Variants in MALRD1 observed in about 807,000 individuals in gnomAD.
The protein encoded by MALRD1 is MAM and LDL-receptor class A domain-containing protein 1.
Under a neutral mutation model 242.1 loss-of-function variants are expected in MALRD1, and 247 were observed. The observed-to-expected ratio is 1.02, with a 90% CI of 0.92 to 1.13. The LOEUF is 1.13. Ranked by LOEUF, MALRD1 falls within the 50% of genes most tolerant of loss-of-function variation. The probability of loss-of-function intolerance (pLI) is 0.00; values close to 1 mark genes in which losing one functional copy is unlikely to be tolerated. For synonymous variants in MALRD1, 995 were observed against 866.6 expected (o/e 1.15, Z -2.60); for missense variants, 2,989 against 2,533.1 (o/e 1.18, Z -3.86).
intron 28 of MALRD1, among the ~76,000 whole-genome samples, chr10:19,395,505 A>T (rs932349471): frequency 6.6e-6 from 1 of 152,128 alleles, no homozygotes; most frequent in Admixed American, 6.6e-5. Context: ...TTTCCAAGGG[A>T]GGCAATCAGT....
chr10:19,100,068 TC>T (rs1484973079), intron 4 of MALRD1, among the ~76,000 whole-genome samples: 1 of 152,146 alleles, frequency 6.6e-6, no homozygotes, highest in East Asian at 1.9e-4. Context: ...TAAATTTTTT[TC>T]TTTTTTTTAA....
intron 25 of MALRD1, among the ~76,000 whole-genome samples, chr10:19,350,337 C>A (rs1588951234): frequency 7.5e-6 from 1 of 132,690 alleles, no homozygotes; most frequent in Non-Finnish European, 1.5e-5. Flanking sequence ...GTAGTGTGAT[C>A]TCTGCTCACT....
At chr10:19,149,074 GTCCA>G (rs201885245) in intron 11 of MALRD1, among the ~76,000 whole-genome samples, 1,710 of 108,400 alleles carry the variant, frequency 0.016, 37 homozygotes, top group African/African-American at 0.056. Context: ...CTGTCTATCT[GTCCA>G]TCTATCTATC....
intron 29 of MALRD1, among the ~76,000 whole-genome samples, chr10:19,461,616 G>C (rs1464992422): frequency 6.6e-6 from 1 of 152,176 alleles, no homozygotes; most frequent in Non-Finnish European, 1.5e-5. Flanking sequence ...GGGGGAGGCT[G>C]AGGCAGGAAG....
At chr10:19,363,141 G>T (rs1176786201) in intron 26 of MALRD1, among the ~76,000 whole-genome samples, 1 of 151,984 alleles carries the variant, frequency 6.6e-6, no homozygotes, top group Non-Finnish European at 1.5e-5. Flanking sequence ...AGGCCTGAGA[G>T]GCAGACATTA....
At chr10:19,585,341 C>T (rs574309944) in intron 33 of MALRD1, among the ~76,000 whole-genome samples, 70 of 152,032 alleles carry the variant, frequency 4.6e-4, no homozygotes, top group African/African-American at 1.7e-3. Flanking sequence ...TACATTTTGG[C>T]ATGATTTTGC....
intron 4 of MALRD1, among the ~76,000 whole-genome samples, chr10:19,101,383 G>A (rs1836245917): frequency 7.1e-6 from 1 of 140,120 alleles, no homozygotes. Flanking sequence ...TAACCAACTT[G>A]GGTATGTATA....
intron 4 of MALRD1, among the ~76,000 whole-genome samples, chr10:19,094,794 A>T (rs891926687): frequency 2.0e-5 from 3 of 152,230 alleles, no homozygotes; most frequent in Non-Finnish European, 2.9e-5. Flanking sequence ...TTTATTTTCT[A>T]AAGTAATTTA....
intron 1 of MALRD1, among the ~76,000 whole-genome samples, chr10:19,051,304 C>T (rs1194074776): frequency 6.6e-6 from 1 of 150,930 alleles, no homozygotes; most frequent in African/African-American, 2.4e-5. Flanking sequence ...AAAAAAAAGT[C>T]CCCTTTAACA....
chr10:19,352,018 T>A lies in MALRD1; in HGVS notation c.4162T>A (p.Tyr1388Asn), dbSNP rs1193928567. The A allele has an allele frequency of 6.5e-7, 1 of 1,546,666 alleles. No homozygotes were observed. Among genetic ancestry groups the A allele is most frequent in the Non-Finnish European group, 8.7e-7 (1 of 1,143,744 alleles). Residue 1388 changes from tyrosine (Y) to asparagine (N), a missense_variant, in exon 26 of 40, where the codon TAT (tyrosine) becomes AAT (asparagine). Coordinates refer to ENST00000454679, the MANE Select transcript of MALRD1 (RefSeq NM_001142308.3). ...TTCTTGATTACAGATTATTTTTCAT[T>A]ATCACATGTATGGAAATGGCATTGG... The part of the protein sequence containing the change: ...RSKNCKIIFH[Y>N]HMYGNGIGAL...
At chr10:19,129,554 T>C (rs1180402310) in intron 8 of MALRD1, among the ~76,000 whole-genome samples, 2 of 151,950 alleles carry the variant, frequency 1.3e-5, no homozygotes, top group Non-Finnish European at 2.9e-5. Flanking sequence ...CCAGCCCCTC[T>C]CTTCTTCCCC....
intron 2 of MALRD1, among the ~76,000 whole-genome samples, chr10:19,081,407 A>AT (rs1196166408): frequency 1.3e-5 from 2 of 152,182 alleles, no homozygotes; most frequent in Admixed American, 6.6e-5. Flanking sequence ...AATGTGGTAC[A>AT]TATACACCAT....
intron 36 of MALRD1, among the ~76,000 whole-genome samples, chr10:19,659,413 C>G (rs572471491): frequency 6.6e-6 from 1 of 152,210 alleles, no homozygotes; most frequent in African/African-American, 2.4e-5. Context: ...TATCTTCTTA[C>G]TTACATGATG....
intron 36 of MALRD1, among the ~76,000 whole-genome samples, chr10:19,679,829 C>T (rs541439113): frequency 6.6e-6 from 1 of 152,226 alleles, no homozygotes; most frequent in South Asian, 2.1e-4. Flanking sequence ...TTAGCTGTGT[C>T]CCAGAGATTC....
At position 19,708,088 on chromosome 10, in the gene MALRD1, A is replaced by G. The variant is rs1339667931; in HGVS notation, c.6314+15534A>G. On this transcript the variant is annotated intron_variant, in intron 38 of 39. Transcript: ENST00000454679. ...AAAAGCAAGCATCAAAGATGATCCC[A>G]GAGTATTATACTTAGGTGACTGCAC... Among the ~76,000 whole-genome samples the G allele has an allele frequency of 1.0e-3, 122 of 121,018 alleles. 17 individuals are homozygous for G. The highest frequency in any genetic ancestry group is 3.0e-3 in the African/African-American group (116 of 38,306). The allele number at this position is 121,018 out of a possible 152,430, so 79.4% of individuals were successfully genotyped here. A position where few individuals can be genotyped will look rare whatever the true frequency, so the allele number is the denominator to read the frequency against.
chr10:19,204,870 T>C, intron 16 of MALRD1, 28 bp from the exon 17 acceptor site: 1 of 1,511,172 alleles, frequency 6.6e-7, no homozygotes, highest in Non-Finnish European at 8.9e-7. Flanking sequence ...ATAAATCACT[T>C]CCATTTCTTA....
chr10:19,155,081 T>G lies in MALRD1; in HGVS notation c.1565T>G (p.Phe522Cys). The part of the protein sequence containing the change: ...DHTANINHGS[F>C]IYLEAQRSPG... ...TTTCCCTTTGTTTTTTCAGGATCGT[T>G]TATTTATTTGGAGGCACAGCGCTCC... Residue 522 changes from phenylalanine to cysteine, a missense_variant, in exon 12 of 40, where the codon TTT (phenylalanine) becomes TGT (cysteine). Coordinates refer to ENST00000454679, the MANE Select transcript of MALRD1 (RefSeq NM_001142308.3). 8.1e-7 allele frequency: 1 copy of G among 1,231,432 alleles called. No individual in the cohort carries two copies. Among genetic ancestry groups the G allele is most frequent in the Non-Finnish European group, 1.0e-6 (1 of 987,772 alleles). The allele number at this position is 1,231,432 out of a possible 1,614,324, so 76.3% of individuals were successfully genotyped here. A position where few individuals can be genotyped will look rare whatever the true frequency, so the allele number is the denominator to read the frequency against.
At chr10:19,227,920 A>G (rs76300710) in intron 18 of MALRD1, among the ~76,000 whole-genome samples, 6,858 of 152,280 alleles carry the variant, frequency 0.045, 202 homozygotes, top group Middle Eastern at 0.085. Flanking sequence ...TTGAGATACC[A>G]CTGTACACCC....
chr10:19,177,478 C>T (rs1835312224), intron 14 of MALRD1, among the ~76,000 whole-genome samples: 1 of 151,954 alleles, frequency 6.6e-6, no homozygotes, highest in Non-Finnish European at 1.5e-5. Flanking sequence ...AAAGGTGTGA[C>T]AAAAACCTTT....
Sources: allele counts gnomAD v4.1 joint callset (sites outside exome capture counted in the v4.1 genomes callset), GRCh38; gene constraint gnomAD v4.1.1; transcripts MANE v1.5; gene names NCBI Gene and HGNC (gene_info 2026-07-23, HGNC 2026-07-21).